Variants in SGCZ observed in about 807,000 individuals in gnomAD.
SGCZ encodes the protein zeta-sarcoglycan.
SGCZ carries 40 observed loss-of-function variants against 41.3 expected under a neutral mutation model. The observed-to-expected ratio is 0.97, with a 90% CI of 0.75 to 1.26. SGCZ has a LOEUF of 1.26. SGCZ is among the 50% of genes most tolerant of loss of function. The probability of loss-of-function intolerance (pLI) is 0.00; values close to 1 mark genes in which losing one functional copy is unlikely to be tolerated. For synonymous variants in SGCZ, 206 were observed against 137.5 expected (o/e 1.50, Z -3.49); for missense variants, 552 against 369.8 (o/e 1.49, Z -4.04).
At chr8:14,484,725 G>A (rs7845380) in intron 2 of SGCZ, among the ~76,000 whole-genome samples, 137,627 of 152,042 alleles carry the variant, frequency 0.91, 63,650 homozygotes, top group East Asian at 1. Context: ...AAAATATTGT[G>A]CCCATATTTA....
intron 1 of SGCZ, among the ~76,000 whole-genome samples, chr8:15,083,515 CT>C (rs1413039705): frequency 1.3e-5 from 2 of 152,040 alleles, no homozygotes; most frequent in East Asian, 1.9e-4. Flanking sequence ...AAAGTAATAA[CT>C]TTTTTGCTAT....
At chr8:14,603,664 ATGAT>A (rs1315552983) in intron 1 of SGCZ, among the ~76,000 whole-genome samples, 2 of 152,216 alleles carry the variant, frequency 1.3e-5, no homozygotes, top group African/African-American at 4.8e-5. Flanking sequence ...CAATTTAGAT[ATGAT>A]TGATTAATTT....
chr8:14,823,069 A>AAAAAAAAAAAAAAAAAAAAAAAC, intron 1 of SGCZ, among the ~76,000 whole-genome samples: 1 of 151,412 alleles, frequency 6.6e-6, no homozygotes, highest in Non-Finnish European at 1.5e-5. Flanking sequence ...AAAAAAAAAA[A>AAAAAAAAAAAAAAAAAAAAAAAC]AAAAAAAAGA....
intron 5 of SGCZ, among the ~76,000 whole-genome samples, chr8:14,153,912 C>G (rs1328014880): frequency 1.3e-4 from 15 of 114,236 alleles, no homozygotes; most frequent in African/African-American, 5.9e-4. Flanking sequence ...GTCTCTCTCT[C>G]TCTCTCTCTC....
intron 2 of SGCZ, among the ~76,000 whole-genome samples, chr8:14,359,777 A>T (rs1803437084): frequency 6.6e-6 from 1 of 151,758 alleles, no homozygotes; most frequent in African/African-American, 2.4e-5. Context: ...TTATTCTACA[A>T]GGTTAGTACA....
At chr8:14,467,597 C>T (rs980406545) in intron 2 of SGCZ, among the ~76,000 whole-genome samples, 13 of 151,976 alleles carry the variant, frequency 8.6e-5, no homozygotes, top group Admixed American at 5.3e-4. Context: ...TACAATTTAC[C>T]ATCCAAACCT....
At chr8:14,927,117 T>A (rs2130799925) in intron 1 of SGCZ, among the ~76,000 whole-genome samples, 1 of 143,318 alleles carries the variant, frequency 7.0e-6, no homozygotes, top group South Asian at 2.3e-4. Context: ...TTTTTTTTTT[T>A]TTTTTTTGTG....
At chr8:15,064,904 A>G (rs887195655) in intron 1 of SGCZ, among the ~76,000 whole-genome samples, 1 of 152,136 alleles carries the variant, frequency 6.6e-6, no homozygotes, top group Non-Finnish European at 1.5e-5. Flanking sequence ...CTTTGGTGCC[A>G]ATTTTCATTA....
intron 2 of SGCZ, among the ~76,000 whole-genome samples, chr8:14,541,224 G>C (rs1368216848): frequency 6.6e-6 from 1 of 151,876 alleles, no homozygotes; most frequent in African/African-American, 2.4e-5. Flanking sequence ...ATGGTGGTTT[G>C]CTGCACCTAT....
chr8:14,397,825 G>A (rs1798962606), intron 2 of SGCZ, among the ~76,000 whole-genome samples: 1 of 152,064 alleles, frequency 6.6e-6, no homozygotes, highest in South Asian at 2.1e-4. Flanking sequence ...TCTTCCACAA[G>A]GTGCTTCGTC....
intron 2 of SGCZ, among the ~76,000 whole-genome samples, chr8:14,502,442 T>C (rs1415750607): frequency 6.6e-6 from 1 of 152,152 alleles, no homozygotes. Context: ...AACTTCACTT[T>C]TGATACAGTT....
intron 1 of SGCZ, among the ~76,000 whole-genome samples, chr8:14,849,866 T>C (rs1803254690): frequency 6.6e-6 from 1 of 152,214 alleles, no homozygotes; most frequent in Admixed American, 6.5e-5. Flanking sequence ...CTATCTACGA[T>C]AGAAACTTTT....
At chr8:14,962,688 A>G (rs905668626) in intron 1 of SGCZ, among the ~76,000 whole-genome samples, 4 of 152,184 alleles carry the variant, frequency 2.6e-5, no homozygotes, top group Non-Finnish European at 4.4e-5. Flanking sequence ...TGCTAAATCA[A>G]TTGGATGTGA....
chr8:15,126,182 G>A (rs1807674242), intron 1 of SGCZ, among the ~76,000 whole-genome samples: 1 of 152,060 alleles, frequency 6.6e-6, no homozygotes, highest in African/African-American at 2.4e-5. Flanking sequence ...AAAAATGATT[G>A]ACTGAAGTAG....
chr8:15,133,530 T>G (rs1000352271), intron 1 of SGCZ, among the ~76,000 whole-genome samples: 4 of 152,224 alleles, frequency 2.6e-5, no homozygotes, highest in African/African-American at 9.6e-5. Context: ...TTACTCACTC[T>G]TCTCTGGGAC....
intron 1 of SGCZ, among the ~76,000 whole-genome samples, chr8:14,766,688 A>C (rs1392134146): frequency 6.7e-6 from 1 of 149,914 alleles, no homozygotes; most frequent in South Asian, 2.1e-4. Context: ...CAGCCTCCCA[A>C]GTAGCTGGGA....
At chr8:14,246,113 T>C (rs917098600) in intron 3 of SGCZ, among the ~76,000 whole-genome samples, 102 of 152,150 alleles carry the variant, frequency 6.7e-4, no homozygotes, top group African/African-American at 2.2e-3. Context: ...ACCCAAAGGA[T>C]TAGAAATCAT....
chr8:14,484,130 T>C (rs1801609237), intron 2 of SGCZ, among the ~76,000 whole-genome samples: 1 of 152,240 alleles, frequency 6.6e-6, no homozygotes. Flanking sequence ...CAGCAAGTTA[T>C]ACATATGTAC....
chr8:15,224,371 G>C (rs757286006), intron 1 of SGCZ, among the ~76,000 whole-genome samples: 2 of 151,862 alleles, frequency 1.3e-5, no homozygotes, highest in Admixed American at 1.3e-4. Context: ...AATCAAGACA[G>C]TGTAATACTT....
Sources: allele counts gnomAD v4.1 joint callset (sites outside exome capture counted in the v4.1 genomes callset), GRCh38; gene constraint gnomAD v4.1.1; transcripts MANE v1.5; gene names NCBI Gene and HGNC (gene_info 2026-07-23, HGNC 2026-07-21).